The following NRG3 variants were observed in gnomAD, a reference collection of about 807,000 sequenced individuals.
The protein encoded by NRG3 is neuregulin 3.
NRG3 carries 31 observed loss-of-function variants against 66.9 expected under a neutral mutation model. The observed-to-expected ratio is 0.46, with a 90% confidence interval of 0.35 to 0.63. NRG3 has a LOEUF of 0.63. Ranked by LOEUF, NRG3 falls within the 20% of genes least tolerant of loss-of-function variation. The pLI is 0.00. For missense variants in NRG3, 910 were observed against 878.9 expected, an observed-to-expected ratio of 1.04 and a Z score of -0.45; for synonymous variants, 393 against 359.4, an observed-to-expected ratio of 1.09 and a Z score of -1.06.
At chr10:81,943,972 G>A (rs1017464759) in intron 1 of NRG3, among the ~76,000 whole-genome samples, 1 of 152,182 alleles carries the variant, frequency 6.6e-6, no homozygotes, top group African/African-American at 2.4e-5. Context: ...GCAAGAACGT[G>A]ATTGCAGGTG....
intron 2 of NRG3, among the ~76,000 whole-genome samples, chr10:82,694,664 G>A (rs1181639489): frequency 6.6e-6 from 1 of 152,020 alleles, no homozygotes; most frequent in Non-Finnish European, 1.5e-5. Context: ...GAGGCAGGAG[G>A]ATCCTTTGAG....
chr10:82,507,891 G>A (rs1844830130), intron 2 of NRG3, among the ~76,000 whole-genome samples: 2 of 152,134 alleles, frequency 1.3e-5, no homozygotes, highest in African/African-American at 4.8e-5. Context: ...AAAATACAGT[G>A]GAAGATCAGA....
intron 2 of NRG3, among the ~76,000 whole-genome samples, chr10:82,362,333 A>ATATGTGTGTGTG (rs776684951): frequency 2.9e-5 from 4 of 135,896 alleles, no homozygotes; most frequent in African/African-American, 1.1e-4. Flanking sequence ...GTATATATAT[A>ATATGTGTGTGTG]TGTGTGTGTG....
intron 3 of NRG3, among the ~76,000 whole-genome samples, chr10:82,756,884 A>G (rs1431326201): frequency 6.6e-6 from 1 of 151,738 alleles, no homozygotes; most frequent in Non-Finnish European, 1.5e-5. Context: ...AACAAAGGTC[A>G]TTAATACAAA....
chr10:82,868,634 CT>C (rs1840995884), intron 4 of NRG3, among the ~76,000 whole-genome samples: 1 of 152,150 alleles, frequency 6.6e-6, no homozygotes, highest in African/African-American at 2.4e-5. Context: ...ACAGATTGTT[CT>C]AATTGAATAT....
chr10:82,730,829 A>G (rs963179411), intron 2 of NRG3, among the ~76,000 whole-genome samples: 1 of 152,140 alleles, frequency 6.6e-6, no homozygotes, highest in Non-Finnish European at 1.5e-5. Context: ...GCGTTCTCCC[A>G]CCATTAATAC....
At chr10:82,228,374 A>C (rs945760804) in intron 1 of NRG3, among the ~76,000 whole-genome samples, 1 of 152,170 alleles carries the variant, frequency 6.6e-6, no homozygotes. Context: ...ATTATGATAA[A>C]TTTCTAAGAG....
intron 1 of NRG3, among the ~76,000 whole-genome samples, chr10:82,123,984 A>G (rs1222988185): frequency 6.6e-6 from 1 of 152,022 alleles, no homozygotes; most frequent in Non-Finnish European, 1.5e-5. Context: ...AATGAGATGC[A>G]TACTAATTAG....
At chr10:81,975,945 G>A (rs927224512) in intron 1 of NRG3, among the ~76,000 whole-genome samples, 1 of 152,098 alleles carries the variant, frequency 6.6e-6, no homozygotes, top group Non-Finnish European at 1.5e-5. Flanking sequence ...GCTATAAGCT[G>A]AGAAACAGAG....
chr10:82,220,801 C>T (rs190633090), intron 1 of NRG3, among the ~76,000 whole-genome samples: 1 of 152,160 alleles, frequency 6.6e-6, no homozygotes. Flanking sequence ...CAACACAAGC[C>T]TGGACAACAT....
chr10:82,847,142 C>G (rs1308836225), intron 3 of NRG3, among the ~76,000 whole-genome samples: 1 of 152,182 alleles, frequency 6.6e-6, no homozygotes, highest in Non-Finnish European at 1.5e-5. Context: ...GTCCAGCCTC[C>G]AGGCTGAAGA....
At chr10:82,869,109 G>A (rs1170597580) in intron 4 of NRG3, among the ~76,000 whole-genome samples, 1 of 152,170 alleles carries the variant, frequency 6.6e-6, no homozygotes, top group Non-Finnish European at 1.5e-5. Flanking sequence ...GGAAATGTAG[G>A]CATAGTCTAT....
At chr10:82,423,281 T>G (rs1354672948) in intron 2 of NRG3, among the ~76,000 whole-genome samples, 1 of 152,040 alleles carries the variant, frequency 6.6e-6, no homozygotes, top group Non-Finnish European at 1.5e-5. Flanking sequence ...ACAGATAATC[T>G]GTATTATACT....
intron 2 of NRG3, among the ~76,000 whole-genome samples, chr10:82,703,429 C>T (rs7902803): frequency 0.31 from 46,822 of 151,960 alleles, 8,440 homozygotes; most frequent in African/African-American, 0.49. Context: ...GAGCTAGCTA[C>T]CCCAAATCAC....
At chr10:82,213,137 T>A (rs2075486129) in intron 1 of NRG3, among the ~76,000 whole-genome samples, 1 of 152,192 alleles carries the variant, frequency 6.6e-6, no homozygotes, top group African/African-American at 2.4e-5. Flanking sequence ...AATGAGAGCC[T>A]TACTTGTAGT....
At chr10:82,800,098 G>A (rs191373161) in intron 3 of NRG3, among the ~76,000 whole-genome samples, 58 of 151,998 alleles carry the variant, frequency 3.8e-4, no homozygotes, top group Non-Finnish European at 7.1e-4. Flanking sequence ...ATTTATAGCC[G>A]GTTTCTGACT....
chr10:82,282,955 T>C (rs2079208551), intron 1 of NRG3, among the ~76,000 whole-genome samples: 1 of 152,090 alleles, frequency 6.6e-6, no homozygotes, highest in South Asian at 2.1e-4. Flanking sequence ...ACTAACAGTG[T>C]TGCCTTGGGC....
At chr10:81,978,423 G>C (rs1458427134) in intron 1 of NRG3, among the ~76,000 whole-genome samples, 1 of 152,110 alleles carries the variant, frequency 6.6e-6, no homozygotes, top group Non-Finnish European at 1.5e-5. Context: ...TAACTTTCAG[G>C]ACCTTGGACA....
chr10:82,875,659 A>T (rs1841755513), intron 4 of NRG3, among the ~76,000 whole-genome samples: 1 of 151,808 alleles, frequency 6.6e-6, no homozygotes, highest in Non-Finnish European at 1.5e-5. Context: ...TGCCTGGCCC[A>T]CTCTCTCCCT....
Sources: gnomAD v4.1 joint callset for allele counts (sites outside exome capture counted in the v4.1 genomes callset) on GRCh38, gnomAD v4.1.1 for gene constraint, MANE v1.5 for transcripts, NCBI Gene and HGNC (gene_info 2026-07-23, HGNC 2026-07-21) for gene names.